Variants in VPS37D observed in about 807,000 individuals in gnomAD.
VPS37D encodes the protein VPS37D subunit of ESCRT-I, also known as vacuolar protein sorting-associated protein 37D.
VPS37D carries 5 observed loss-of-function variants against 22.0 expected under a neutral mutation model. The ratio of observed to expected loss-of-function variants is 0.23; its 90% CI spans 0.12 to 0.48. The LOEUF (loss-of-function observed/expected upper bound fraction) is 0.48. VPS37D is among the 20% of genes least tolerant of loss of function. The pLI is 0.99. For missense variants in VPS37D, 384 were observed against 345.8 expected, an observed-to-expected ratio of 1.11 and a Z score of -0.88; for synonymous variants, 174 against 159.3, an observed-to-expected ratio of 1.09 and a Z score of -0.69.
chr7:73,668,060 GC>G lies in VPS37D; in HGVS notation c.105del (p.Lys36SerfsTer88). ...AGCTCCGGGACCTGCTTCAGGATGA[GC>G]CCAAGCTGGACCGGATCGTGCGGCT... ...GQLRDLLQDE[P>X]KLDRIVRLSR... is the part of the protein sequence containing the mutation. On this transcript the variant is annotated frameshift_variant, in exon 1 of 4. Transcript: ENST00000324941. LOFTEE classifies it high-confidence loss of function. 1 of 1,159,074 alleles carries G rather than the reference GC, an allele frequency of 8.6e-7. No individual in the cohort carries two copies. Among genetic ancestry groups the G allele is most frequent in the Non-Finnish European group, 1.1e-6 (1 of 930,118 alleles). The allele number at this position is 1,159,074 out of a possible 1,614,324, so 71.8% of individuals were successfully genotyped here. A position where few individuals can be genotyped will look rare whatever the true frequency, so the allele number is the denominator to read the frequency against.
intron 3 of VPS37D, among the ~76,000 whole-genome samples, 162 bp from the exon 4 acceptor site, chr7:73,670,852 T>C (rs1797491670): frequency 6.6e-6 from 1 of 150,632 alleles, no homozygotes; most frequent in Admixed American, 6.6e-5. Context: ...CACAGTTCAC[T>C]TAGCAAGTAA....
chr7:73,667,217 G>T (rs2008920), upstream of VPS37D, among the ~76,000 whole-genome samples: 3 of 151,424 alleles, frequency 2.0e-5, no homozygotes, highest in Non-Finnish European at 2.9e-5. Context: ...CTCGTGATCC[G>T]CCCGCCTCGG....
upstream of VPS37D, among the ~76,000 whole-genome samples, chr7:73,667,204 G>A (rs1051093121): frequency 3.3e-5 from 5 of 151,774 alleles, no homozygotes; most frequent in Non-Finnish European, 7.4e-5. Flanking sequence ...TCGATCTCCT[G>A]ACCTCGTGAT....
chr7:73,666,586 G>A (rs1175954114), upstream of VPS37D, among the ~76,000 whole-genome samples: 3 of 151,808 alleles, frequency 2.0e-5, no homozygotes, highest in South Asian at 2.1e-4. Flanking sequence ...CCACCACCAC[G>A]CCCGGCTAAT....
rs1477389542 is a variant in VPS37D at position 73,671,871 on chromosome 7, G to A, written c.*495G>A. On this transcript the variant is annotated 3_prime_UTR_variant, in exon 4 of 4. Transcript: ENST00000324941. The stretch of plus-strand genomic sequence containing the variant: ...ATCAGGCCTCGGCTGTGGGGCCAGG[G>A]ACACCATGGCCCTGGGGCTACTACG... 6.6e-6 allele frequency: 1 copy of A among 152,270 alleles called. No individual in the cohort carries two copies. Among genetic ancestry groups the A allele is most frequent in the Non-Finnish European group, 1.5e-5 (1 of 68,100 alleles). The allele number at this position is 152,270 out of a possible 1,614,324, so 9.4% of individuals were successfully genotyped here.
rs1554609809 is a variant in VPS37D at position 73,671,503 on chromosome 7, C to G, written c.*127C>G. 3 of 204,464 alleles carry G rather than the reference C, an allele frequency of 1.5e-5. No homozygotes were observed. The highest frequency in any genetic ancestry group is 2.8e-5 in the Non-Finnish European group (3 of 106,412). The allele number at this position is 204,464 out of a possible 1,614,324, so 12.7% of individuals were successfully genotyped here. On this transcript the variant is annotated 3_prime_UTR_variant, in exon 4 of 4. Transcript: ENST00000324941. ...CCCTGGCCTCAGGCAGGCCCTGGCC[C>G]TGGAGGCTGAGCTGGGGAGGAGGGT...
chr7:73,669,355 C>T (rs1797451946), intron 1 of VPS37D, 64 bp from the exon 2 acceptor site: 21 of 1,468,244 alleles, frequency 1.4e-5, no homozygotes, highest in Admixed American at 7.1e-5. Context: ...GTAGGGTGGA[C>T]GGGGCAGTAG....
chr7:73,671,000 C>T lies in VPS37D; in HGVS notation c.394-14C>T. ...TCGTGCCTCTCCCAAGCCTTCCCTTCCCTCCCGGCCCAGGAGCAGATGGAG... is the reference window on the plus strand; with the variant it reads ...TCGTGCCTCTCCCAAGCCTTCCCTTTCCTCCCGGCCCAGGAGCAGATGGAG... On this transcript the variant is annotated splice_polypyrimidine_tract_variant and intron_variant, in intron 3 of 3. Transcript: ENST00000324941. The T allele has an allele frequency of 1.9e-6, 3 of 1,609,902 alleles. No homozygotes were observed. Among genetic ancestry groups the T allele is most frequent in the Non-Finnish European group, 1.7e-6 (2 of 1,178,066 alleles).
chr7:73,667,329 T>A (rs1481822640), upstream of VPS37D, among the ~76,000 whole-genome samples: 6 of 150,560 alleles, frequency 4.0e-5, no homozygotes, highest in Non-Finnish European at 7.4e-5. Flanking sequence ...GGGGGTCTTG[T>A]TATGTTGCCC....
At position 73,670,890 on chromosome 7, in the gene VPS37D, G is replaced by A. The variant is rs1469487014; in HGVS notation, c.394-124G>A. 2.2e-6 allele frequency: 3 copies of A among 1,385,424 alleles called. No individual in the cohort carries two copies. In the African/African-American group the frequency reaches 4.4e-5, roughly 20 times the overall value. 85.8% of individuals were successfully genotyped at this position (1,385,424 alleles called of 1,614,324 possible). A position where few individuals can be genotyped will look rare whatever the true frequency, so the allele number is the denominator to read the frequency against. On this transcript the variant is annotated intron_variant, in intron 3 of 3. Coordinates refer to ENST00000324941, the MANE Select transcript of VPS37D (RefSeq NM_001077621.2). ...GGAGGCAGGCCCAGGCTGGAACGCA[G>A]GTCCCCTGTCCCCCAGCTGAGGGGT...
At chr7:73,666,948 A>C (rs1797385720), upstream of VPS37D, among the ~76,000 whole-genome samples, 1 of 149,988 alleles carries the variant, frequency 6.7e-6, no homozygotes, top group Admixed American at 6.7e-5. Context: ...GCATTTAAAT[A>C]CTTTTAAAAA....
Position 73,669,496 on chromosome 7 carries a change from G to T in VPS37D, c.216G>T (p.Arg72=). 6.3e-7 allele frequency: 1 copy of T among 1,580,938 alleles called. No individual in the cohort carries two copies. Among genetic ancestry groups the T allele is most frequent in the Admixed American group, 1.8e-5 (1 of 55,188 alleles). ...YALAKENLAL[R]PRLEMGRAAL... Reference sequence around the variant, plus strand: ...TGGCCAAGGAGAACCTGGCCCTGCGGCCCCGCCTGGAGATGGGCCGGGCTG... The same window carrying T: ...TGGCCAAGGAGAACCTGGCCCTGCGTCCCCGCCTGGAGATGGGCCGGGCTG... Residue 72 remains arginine (R), a synonymous_variant, in exon 2 of 4, where the codon CGG becomes CGT. Coordinates refer to ENST00000324941, the MANE Select transcript of VPS37D (RefSeq NM_001077621.2).
chr7:73,668,506 T>G, intron 1 of VPS37D, among the ~76,000 whole-genome samples: 1 of 145,474 alleles, frequency 6.9e-6, no homozygotes. Flanking sequence ...GTTCACGCAT[T>G]CTGGGGGCGC....
intron 1 of VPS37D, among the ~76,000 whole-genome samples, chr7:73,668,536 G>A (rs926310029): frequency 4.6e-5 from 7 of 152,158 alleles, no homozygotes; most frequent in Non-Finnish European, 7.4e-5. Flanking sequence ...CTTTGTGCCT[G>A]GCGTTGGGGA....
Position 73,671,466 on chromosome 7 carries a change from G to T in VPS37D, c.*90G>T. On this transcript the variant is annotated 3_prime_UTR_variant, in exon 4 of 4. Transcript: ENST00000324941. ...CCCCACTGCCTGGGTGGGGGGAGGG[G>T]CAGGCCCCTCCCCCTGGCCTCAGGC... is the stretch of plus-strand genomic sequence containing the variant. The T allele has an allele frequency of 5.7e-6, 3 of 525,330 alleles. No homozygotes were observed. The East Asian group carries it at 1.2e-4, about 21-fold the overall frequency. 32.5% of individuals were successfully genotyped at this position (525,330 alleles called of 1,614,324 possible).
At chr7:73,668,343 C>T (rs1554609043) in intron 1 of VPS37D, among the ~76,000 whole-genome samples, 2 of 151,858 alleles carry the variant, frequency 1.3e-5, no homozygotes, top group Non-Finnish European at 2.9e-5. Context: ...CGAGGCGTGT[C>T]CTACAGCGGA....
chr7:73,667,428 G>C (rs1471286602), upstream of VPS37D, among the ~76,000 whole-genome samples: 7 of 152,190 alleles, frequency 4.6e-5, no homozygotes, highest in African/African-American at 1.7e-4. Flanking sequence ...ACCGCGCCCG[G>C]CCAGCAAGTC....
rs1554609685 is a variant in VPS37D, at chr7:73,671,196, C to T, written c.576C>T (p.Ser192=). Residue 192 remains serine (S), a synonymous_variant, in exon 4 of 4, where the codon TCC becomes TCT. Transcript: ENST00000324941. ...CCTCGGCTGCTGATCCCCCCAAATCCTTCCCGGCTGCAGCTGTCCTGCCCA... is the reference window on the plus strand; with the variant it reads ...CCTCGGCTGCTGATCCCCCCAAATCTTTCCCGGCTGCAGCTGTCCTGCCCA... ...APTSAADPPK[S]FPAAAVLPTG... is the part of the protein sequence containing the mutation. 6.3e-7 allele frequency: 1 copy of T among 1,596,766 alleles called. No individual in the cohort carries two copies. The highest frequency in any genetic ancestry group is 1.7e-5 in the Admixed American group (1 of 59,124).
upstream of VPS37D, among the ~76,000 whole-genome samples, chr7:73,667,600 G>A (rs572952538): frequency 1.1e-3 from 163 of 152,306 alleles, 2 homozygotes; most frequent in Middle Eastern, 3.4e-3. Flanking sequence ...GCCCGGGGTG[G>A]GAGAGTCCGT....
Sources: allele counts gnomAD v4.1 joint callset (sites outside exome capture counted in the v4.1 genomes callset), GRCh38; gene constraint gnomAD v4.1.1; transcripts MANE v1.5; gene names NCBI Gene and HGNC (gene_info 2026-07-23, HGNC 2026-07-21).